SF3B4: variants seen among roughly 807,000 people sequenced by gnomAD.
SF3B4 encodes splicing factor 3b subunit 4, also known as SAP 49.
A neutral mutation model predicts 34.3 loss-of-function variants in SF3B4; 3 were observed. The observed-to-expected ratio is 0.09, with a 90% confidence interval of 0.04 to 0.23. SF3B4 has a LOEUF of 0.23. Ranked by LOEUF, SF3B4 falls within the 10% of genes least tolerant of loss-of-function variation. The pLI is 1.00. For synonymous variants in SF3B4, 216 were observed against 207.8 expected (o/e 1.04, Z -0.34); for missense variants, 283 against 567.2 (o/e 0.50, Z 5.09).
In SF3B4 at chr1:149,923,691, G is replaced by A; in HGVS notation, c.1126C>T (p.Pro376Ser). The change falls in exon 6 of 6, where the codon CCT (proline) becomes TCT (serine). Residue 376 changes from proline to serine, a missense_variant. This residue lies in a region of SF3B4 where 208 missense variants were observed against 292.6 expected (regional missense o/e 0.71). Transcript: ENST00000271628. The stretch of plus-strand genomic sequence containing the variant: ...CCATGGGGGGGCATCAGTGGAGGAG[G>A]TCCACGCATACCATGCGGAGGCATA... ...GPMPPHGMRG[P>S]PPLMPPHGYT... The A allele has an allele frequency of 6.6e-7, 1 of 1,525,928 alleles. No homozygotes were observed. Among genetic ancestry groups the A allele is most frequent in the Non-Finnish European group, 8.7e-7 (1 of 1,146,962 alleles). The allele number at this position is 1,525,928 out of a possible 1,614,324, so 94.5% of individuals were successfully genotyped here.
intron 5 of SF3B4, 50 bp downstream of exon 5, chr1:149,923,791 T>G: frequency 6.5e-7 from 1 of 1,532,836 alleles, no homozygotes; most frequent in Non-Finnish European, 8.7e-7. Context: ...TACAGGAAGC[T>G]GTAAGAACAT....
At chr1:149,925,653 C>A in intron 4 of SF3B4, 183 bp downstream of exon 4, 1 of 679,134 alleles carries the variant, frequency 1.5e-6, no homozygotes, top group Non-Finnish European at 2.7e-6. Flanking sequence ...GTCAGAAAAA[C>A]TTAAGAAATG....
At chr1:149,925,565 C>A (rs2092584555) in intron 4 of SF3B4, 2 of 416,176 alleles carry the variant, frequency 4.8e-6, no homozygotes, top group South Asian at 5.4e-5. Flanking sequence ...GCAATTAGGT[C>A]ACCACTTTGA....
chr1:149,925,465 G>T (rs762154787), intron 4 of SF3B4, among the ~76,000 whole-genome samples: 2 of 152,076 alleles, frequency 1.3e-5, no homozygotes, highest in Non-Finnish European at 2.9e-5. Flanking sequence ...AAAGCAAAAA[G>T]AGACAAGAAT....
chr1:149,924,069 A>G, intron 4 of SF3B4, 55 bp from the exon 5 acceptor site: 1 of 1,405,330 alleles, frequency 7.1e-7, no homozygotes. Context: ...GGAGGCAAAG[A>G]AAATAGAGAA....
At chr1:149,924,431 C>T (rs1238506695) in intron 4 of SF3B4, among the ~76,000 whole-genome samples, 2 of 152,016 alleles carry the variant, frequency 1.3e-5, no homozygotes, top group Non-Finnish European at 2.9e-5. Context: ...AGTGAGACCC[C>T]ATCACCAAAA....
chr1:149,927,403 G>A, intron 1 of SF3B4, 109 bp from the exon 2 acceptor site: 1 of 1,354,120 alleles, frequency 7.4e-7, no homozygotes, highest in Non-Finnish European at 1.0e-6. Context: ...ACCGCGGTAG[G>A]GGACAGGAGC....
At chr1:149,923,762 A>T in intron 5 of SF3B4, 33 bp from the exon 6 acceptor site, 3 of 1,514,050 alleles carry the variant, frequency 2.0e-6, no homozygotes, top group Non-Finnish European at 2.6e-6. Flanking sequence ...TAGTAAGGGC[A>T]CGGGACAAGG....
chr1:149,924,366 C>T (rs368138239), intron 4 of SF3B4, among the ~76,000 whole-genome samples: 3 of 151,898 alleles, frequency 2.0e-5, no homozygotes, highest in Admixed American at 1.3e-4. Flanking sequence ...GGGCCTGGGA[C>T]GTCAAGGCTA....
In SF3B4 at chr1:149,926,943, T is replaced by C. The variant is rs370857576; in HGVS notation, c.164-25A>G. ...CCTGGAAAAGTGGAGAAGAGGAGGTTAACAACGTAAGTAAAGAGACTGAAA... is the reference window on the plus strand; with the variant it reads ...CCTGGAAAAGTGGAGAAGAGGAGGTCAACAACGTAAGTAAAGAGACTGAAA... On this transcript the variant is annotated intron_variant, in intron 2 of 5. Coordinates refer to ENST00000271628, the MANE Select transcript of SF3B4 (RefSeq NM_005850.5). This position sits in a 1 kb window ranked among gnomAD's most constrained non-coding sequence, Gnocchi z 6.2. The C allele has an allele frequency of 5.1e-6, 8 of 1,574,546 alleles. No homozygotes were observed. The highest frequency in any genetic ancestry group is 6.9e-6 in the Non-Finnish European group (8 of 1,162,038).
intron 4 of SF3B4, 57 bp from the exon 5 acceptor site, chr1:149,924,071 A>T (rs992543361): frequency 1.4e-6 from 2 of 1,403,664 alleles, no homozygotes; most frequent in Admixed American, 5.8e-5. Flanking sequence ...AGGCAAAGAA[A>T]ATAGAGAAAG....
chr1:149,925,764 G>A (rs782781864), intron 4 of SF3B4, 72 bp downstream of exon 4: 2 of 1,127,706 alleles, frequency 1.8e-6, no homozygotes, highest in Non-Finnish European at 2.7e-6. Flanking sequence ...AGGAACAAAG[G>A]GCAGCAGGGT....
At position 149,927,207 on chromosome 1, in the gene SF3B4, T is replaced by C. The variant is rs781955987; in HGVS notation, c.122A>G (p.Asn41Ser). Residue 41 changes from asparagine to serine, a missense_variant, in exon 2 of 6, where the codon AAC (asparagine) becomes AGC (serine). Around this residue, in one of 4 missense-constraint regions of SF3B4, gnomAD observed 39 missense variants for 127.3 expected, o/e 0.31. Coordinates refer to ENST00000271628, the MANE Select transcript of SF3B4 (RefSeq NM_005850.5). ...ELFLQAGPVV[N>S]THMPKDRVTG... ...GACTCTATCCTTTGGCATGTGGGTGTTGACTACTGGTCCAGCCTGGAGAAA... is the reference window on the plus strand; with the variant it reads ...GACTCTATCCTTTGGCATGTGGGTGCTGACTACTGGTCCAGCCTGGAGAAA... 1.2e-6 allele frequency: 2 copies of C among 1,614,158 alleles called. No individual in the cohort carries two copies. Among genetic ancestry groups the C allele is most frequent in the Non-Finnish European group, 1.7e-6 (2 of 1,180,032 alleles).
chr1:149,926,707 G>A lies in SF3B4; in HGVS notation c.375C>T (p.Val125=), dbSNP rs1019127384. The A allele has an allele frequency of 6.2e-7, 1 of 1,614,038 alleles. No homozygotes were observed. ...LLYDTFSAFG[V]ILQTPKIMRD... ...GCATAATTTTGGGGGTTTGTAAGAT[G>A]ACCCCAAAGGCGCTGAAAGTATCAT... Residue 125 remains valine (V), a synonymous_variant, in exon 3 of 6, where the codon GTC becomes GTT. Transcript: ENST00000271628. This position sits in a 1 kb window ranked among gnomAD's most constrained non-coding sequence, Gnocchi z 6.2.
rs781816117 is a variant in SF3B4 at position 149,923,580 on chromosome 1, G to A, written c.1237C>T (p.Pro413Ser). 1.9e-6 allele frequency: 3 copies of A among 1,561,512 alleles called. No individual in the cohort carries two copies. The African/African-American group carries it at 4.2e-5, about 22-fold the overall frequency. The change falls in exon 6 of 6, where the codon CCC (proline) becomes TCC (serine). Residue 413 changes from proline (P) to serine (S), a missense_variant. This residue lies in a region of SF3B4 where 208 missense variants were observed against 292.6 expected (regional missense o/e 0.71). Coordinates refer to ENST00000271628, the MANE Select transcript of SF3B4 (RefSeq NM_005850.5). Reference sequence around the variant, plus strand: ...GGGCCTCGAAGTGGGCCTCGAGGGGGAACTGGTGGCCGGGGAGTGGGTCTG... The same window carrying A: ...GGGCCTCGAAGTGGGCCTCGAGGGGAAACTGGTGGCCGGGGAGTGGGTCTG... ...PPRPTPRPPV[P>S]PRGPLRGPLP...
chr1:149,924,073 T>C (rs2092573200), intron 4 of SF3B4, 59 bp from the exon 5 acceptor site: 5 of 1,385,590 alleles, frequency 3.6e-6, no homozygotes, highest in African/African-American at 3.0e-5. Flanking sequence ...GCAAAGAAAA[T>C]AGAGAAAGGA....
chr1:149,927,413 CA>C (rs1230494327), intron 1 of SF3B4, 119 bp from the exon 2 acceptor site: 6,346 of 1,051,552 alleles, frequency 6.0e-3, no homozygotes, highest in Non-Finnish European at 6.8e-3. Context: ...GGGACAGGAG[CA>C]AAAAAAAAAG....
In SF3B4 at chr1:149,923,409, T is replaced by C. The variant is rs1571522561; in HGVS notation, c.*133A>G. The C allele has an allele frequency of 1.5e-6, 1 of 654,626 alleles. No individual in the cohort carries two copies. The highest frequency in any genetic ancestry group is 1.9e-5 in the African/African-American group (1 of 51,338). 40.6% of individuals were successfully genotyped at this position (654,626 alleles called of 1,614,324 possible). The stretch of plus-strand genomic sequence containing the variant: ...AATACCTCCTGTGGAAAAAGTTACA[T>C]TAAAAAGGGGAATGGAGTGGGGGTG... On this transcript the variant is annotated 3_prime_UTR_variant, in exon 6 of 6. Coordinates refer to ENST00000271628, the MANE Select transcript of SF3B4 (RefSeq NM_005850.5).
In SF3B4 at chr1:149,926,050, G is replaced by C; in HGVS notation, c.707-8C>G. 7.0e-7 allele frequency: 1 copy of C among 1,419,322 alleles called. No individual in the cohort carries two copies. Among genetic ancestry groups the C allele is most frequent in the Non-Finnish European group, 9.5e-7 (1 of 1,050,896 alleles). The allele number at this position is 1,419,322 out of a possible 1,614,324, so 87.9% of individuals were successfully genotyped here. ...AGCCAGGAGGAGGCATGCCTATAGA[G>C]GAAATGGAAAAAGGAAGAGTTAATG... On this transcript the variant is annotated splice_polypyrimidine_tract_variant and splice_region_variant and intron_variant, in intron 3 of 5. Transcript: ENST00000271628. The surrounding 1 kb of genome is among the most constrained non-coding windows in gnomAD (Gnocchi z 6.2).
Sources: gnomAD v4.1 joint callset for allele counts (sites outside exome capture counted in the v4.1 genomes callset) on GRCh38, gnomAD v4.1.1 for gene constraint, gnomAD v4.1.1 regional missense constraint, Gnocchi (gnomAD v3.1) non-coding constraint, MANE v1.5 for transcripts, NCBI Gene and HGNC (gene_info 2026-07-23, HGNC 2026-07-21) for gene names.